The following UGDH variants were observed in gnomAD, a reference collection of about 807,000 sequenced individuals.
UGDH encodes UDP-Glc dehydrogenase.
In UGDH, 38 loss-of-function variants were observed where a neutral mutation model predicts 50.6. That is an observed-to-expected ratio of 0.75 (90% CI 0.58 to 0.98). The LOEUF is 0.98. UGDH is among the 50% of genes least tolerant of loss of function. UGDH has a pLI of 0.00. For synonymous variants in UGDH, 168 were observed against 199.9 expected, an observed-to-expected ratio of 0.84 and a Z score of 1.35; for missense variants, 465 against 606.2, an observed-to-expected ratio of 0.77 and a Z score of 2.45.
chr4:39,507,009 TA>T (rs1468105906), intron 7 of UGDH, among the ~76,000 whole-genome samples: 1 of 152,152 alleles, frequency 6.6e-6, no homozygotes, highest in Non-Finnish European at 1.5e-5. Flanking sequence ...TAAAACATTT[TA>T]AAAAAAGAAA....
chr4:39,505,763 A>T lies in UGDH; in HGVS notation c.907-15T>A. On this transcript the variant is annotated splice_polypyrimidine_tract_variant and intron_variant, in intron 7 of 11. Coordinates refer to ENST00000316423, the MANE Select transcript of UGDH (RefSeq NM_003359.4). The stretch of plus-strand genomic sequence containing the variant: ...ATGTCTATGACCTGAAATTACATGT[A>T]CAATTGTGCAATGATTAGTTAAAAG... 1 of 1,596,352 alleles carries T rather than the reference A, an allele frequency of 6.3e-7. No homozygotes were observed. The highest frequency in any genetic ancestry group is 2.2e-5 in the East Asian group (1 of 44,610).
chr4:39,500,997 C>A (rs1264496636), intron 11 of UGDH, among the ~76,000 whole-genome samples: 1 of 147,470 alleles, frequency 6.8e-6, no homozygotes, highest in African/African-American at 2.5e-5. Flanking sequence ...TGGAGTCTTG[C>A]CCTGTTGCCT....
At chr4:39,500,971 T>C (rs1259749931) in intron 11 of UGDH, among the ~76,000 whole-genome samples, 3 of 146,052 alleles carry the variant, frequency 2.1e-5, no homozygotes, top group African/African-American at 2.5e-5. Flanking sequence ...GCATAATGCT[T>C]TTTTTTTTTT....
chr4:39,509,743 GAA>G lies in UGDH; in HGVS notation c.811+15_811+16del. Reference sequence around the variant, plus strand: ...ATAAACACTAGCTCTTTCTACTAGAGAAAAATTTGAATTTACCAACACTGGCT... The same window carrying G: ...ATAAACACTAGCTCTTTCTACTAGAGAAATTTGAATTTACCAACACTGGCT... On this transcript the variant is annotated intron_variant, in intron 6 of 11. Coordinates refer to ENST00000316423, the MANE Select transcript of UGDH (RefSeq NM_003359.4). 1 of 1,597,118 alleles carries G rather than the reference GAA, an allele frequency of 6.3e-7. No homozygotes were observed. The highest frequency in any genetic ancestry group is 8.5e-7 in the Non-Finnish European group (1 of 1,175,736).
intron 11 of UGDH, among the ~76,000 whole-genome samples, chr4:39,501,619 C>A (rs1560684479): frequency 6.6e-6 from 1 of 152,152 alleles, no homozygotes; most frequent in African/African-American, 2.4e-5. Context: ...AAGGCCCCAG[C>A]TGGAATCCTG....
At position 39,510,574 on chromosome 4, in the gene UGDH, G is replaced by T. The variant is rs745691982; in HGVS notation, c.466-24C>A. 2.5e-6 allele frequency: 4 copies of T among 1,613,856 alleles called. No individual in the cohort carries two copies. The African/African-American group carries it at 5.3e-5, about 22-fold the overall frequency. On this transcript the variant is annotated intron_variant, in intron 4 of 11. Transcript: ENST00000316423. ...ACCTAGAATCCCAATGCAAAGGAAA[G>T]TTTTAAGCTAGAATTAATTATGGGC...
At chr4:39,511,241 G>C (rs1458695008) in intron 3 of UGDH, among the ~76,000 whole-genome samples, 1 of 150,900 alleles carries the variant, frequency 6.6e-6, no homozygotes, top group Non-Finnish European at 1.5e-5. Context: ...TATTATTATA[G>C]TCCTTAAAAA....
Position 39,505,635 on chromosome 4 carries a change from CT to C in UGDH, c.1019del (p.Lys340ArgfsTer18). The part of the protein sequence containing the change: ...KIAILGFAFK[K>X]DTGDTRESSS... ...ACTGATACCTTGTATCACCAGTGTC[CT>C]TTTTGAATGCAAATCCCAAAATAGC... On this transcript the variant is annotated frameshift_variant, in exon 8 of 12. Transcript: ENST00000316423. LOFTEE classifies it high-confidence loss of function. The C allele has an allele frequency of 6.2e-7, 1 of 1,603,862 alleles. No homozygotes were observed. The highest frequency in any genetic ancestry group is 1.1e-5 in the South Asian group (1 of 89,136).
intron 1 of UGDH, among the ~76,000 whole-genome samples, chr4:39,524,597 G>C (rs1746801911): frequency 6.6e-6 from 1 of 151,788 alleles, no homozygotes; most frequent in Admixed American, 6.6e-5. Flanking sequence ...CCGCCTCCCA[G>C]GTTCAAGTGA....
At chr4:39,503,834 A>C in intron 11 of UGDH, 41 bp downstream of exon 11, 1 of 1,577,194 alleles carries the variant, frequency 6.3e-7, no homozygotes, top group Non-Finnish European at 8.7e-7. Context: ...AACACTAAAG[A>C]CCAAACAAAA....
chr4:39,504,511 G>A lies in UGDH; in HGVS notation c.1172-3C>T. 6.2e-7 allele frequency: 1 copy of A among 1,612,802 alleles called. No individual in the cohort carries two copies. The highest frequency in any genetic ancestry group is 8.5e-7 in the Non-Finnish European group (1 of 1,179,238). On this transcript the variant is annotated splice_polypyrimidine_tract_variant and splice_region_variant and intron_variant, in intron 9 of 11. Coordinates refer to ENST00000316423, the MANE Select transcript of UGDH (RefSeq NM_003359.4). ...GGAAATGGTCACGAGCCGGGACACT[G>A]TAACAATAGCAACAACAAAAAAACA...
At chr4:39,510,267 A>T in intron 5 of UGDH, 86 bp downstream of exon 5, 4 of 1,356,544 alleles carry the variant, frequency 2.9e-6, no homozygotes, top group Non-Finnish European at 2.1e-6. Flanking sequence ...TACTACTATT[A>T]AAAAAGTATC....
chr4:39,510,452 GC>G lies in UGDH; in HGVS notation c.563del (p.Gly188AlafsTer44). 1.2e-6 allele frequency: 2 copies of G among 1,614,152 alleles called. No individual in the cohort carries two copies. Among genetic ancestry groups the G allele is most frequent in the Non-Finnish European group, 1.7e-6 (2 of 1,180,044 alleles). ...CACACAGGGCCTGCACAGCTCTCTGGCCCTCTGGAGTTTCATCCCCTCCAAT... is the reference window on the plus strand; with the variant it reads ...CACACAGGGCCTGCACAGCTCTCTGGCCTCTGGAGTTTCATCCCCTCCAAT... ...VLIGGDETPE[G>X]QRAVQALCAV... is the part of the protein sequence containing the mutation. On this transcript the variant is annotated frameshift_variant, in exon 5 of 12. Coordinates refer to ENST00000316423, the MANE Select transcript of UGDH (RefSeq NM_003359.4). LOFTEE classifies it high-confidence loss of function.
At chr4:39,521,580 T>C (rs1746664391) in intron 1 of UGDH, 61 bp from the exon 2 acceptor site, 1 of 1,327,586 alleles carries the variant, frequency 7.5e-7, no homozygotes, top group South Asian at 1.9e-5. Flanking sequence ...AGAAATAATA[T>C]TGTACATTAA....
intron 1 of UGDH, among the ~76,000 whole-genome samples, chr4:39,526,077 T>G (rs1746877425): frequency 6.6e-6 from 1 of 152,192 alleles, no homozygotes; most frequent in Non-Finnish European, 1.5e-5. Flanking sequence ...TAGCCCCAGC[T>G]CTCTACAGCA....
chr4:39,506,298 G>A (rs1365408449), intron 7 of UGDH, among the ~76,000 whole-genome samples: 1 of 150,840 alleles, frequency 6.6e-6, no homozygotes, highest in Admixed American at 6.6e-5. Flanking sequence ...CTATGCATAA[G>A]GCTAGGATGG....
At chr4:39,507,891 A>G (rs1193540582) in intron 7 of UGDH, among the ~76,000 whole-genome samples, 1 of 150,928 alleles carries the variant, frequency 6.6e-6, no homozygotes, top group Non-Finnish European at 1.5e-5. Context: ...TGCAGTGAGC[A>G]GCGATGGCAC....
chr4:39,509,268 G>T (rs1243209864), intron 6 of UGDH, among the ~76,000 whole-genome samples: 1 of 151,886 alleles, frequency 6.6e-6, no homozygotes, highest in African/African-American at 2.4e-5. Context: ...TTATAGGCAT[G>T]AGCTACTGTG....
intron 2 of UGDH, among the ~76,000 whole-genome samples, chr4:39,517,718 C>T (rs1029348693): frequency 6.6e-6 from 1 of 152,170 alleles, no homozygotes; most frequent in Non-Finnish European, 1.5e-5. Context: ...AAATTACCAT[C>T]ATGCTGAATT....
Sources: gnomAD v4.1 joint callset for allele counts (sites outside exome capture counted in the v4.1 genomes callset) on GRCh38, gnomAD v4.1.1 for gene constraint, MANE v1.5 for transcripts, NCBI Gene and HGNC (gene_info 2026-07-23, HGNC 2026-07-21) for gene names.